DOT1L: variants seen among roughly 807,000 people sequenced by gnomAD.
The protein encoded by DOT1L is histone-lysine N-methyltransferase, H3 lysine-79 specific.
In DOT1L, 33 loss-of-function variants were observed where a neutral mutation model predicts 153.3. The ratio of observed to expected loss-of-function variants is 0.22; its 90% CI spans 0.16 to 0.29. The LOEUF (loss-of-function observed/expected upper bound fraction) is 0.29, where lower values mean the gene tolerates loss of function less well. Ranked by LOEUF, DOT1L falls within the 10% of genes least tolerant of loss-of-function variation. The probability of loss-of-function intolerance (pLI) is 1.00; values close to 1 mark genes in which losing one functional copy is unlikely to be tolerated. For synonymous variants in DOT1L, 1,135 were observed against 965.1 expected, an observed-to-expected ratio of 1.18 and a Z score of -3.26; for missense variants, 1,847 against 2,119.9, an observed-to-expected ratio of 0.87 and a Z score of 2.53.
At chr19:2,227,636 G>T in intron 27 of DOT1L, 1 of 1,215,576 alleles carries the variant, frequency 8.2e-7, no homozygotes. Context: ...CACGCCTGGC[G>T]GCGCCGTTTC....
At chr19:2,209,091 C>G in intron 12 of DOT1L, 115 bp downstream of exon 12, 1 of 1,194,990 alleles carries the variant, frequency 8.4e-7, no homozygotes, top group South Asian at 1.5e-5. Context: ...GCCCTGCCGC[C>G]CCTCGGGGCC....
chr19:2,186,684 G>A (rs1367248110), intron 3 of DOT1L, among the ~76,000 whole-genome samples: 3 of 152,184 alleles, frequency 2.0e-5, no homozygotes, highest in Non-Finnish European at 2.9e-5. Context: ...AGTAAACCTC[G>A]AGATCCTGTG....
chr19:2,179,042 C>T (rs2022099589), intron 1 of DOT1L, among the ~76,000 whole-genome samples: 1 of 152,156 alleles, frequency 6.6e-6, no homozygotes, highest in East Asian at 1.9e-4. Flanking sequence ...TCTCCCCTAT[C>T]TAGGCTGATC....
intron 3 of DOT1L, among the ~76,000 whole-genome samples, chr19:2,189,407 C>T (rs923147571): frequency 9.9e-5 from 15 of 152,222 alleles, no homozygotes; most frequent in Admixed American, 3.9e-4. Context: ...CCTCAGTCCC[C>T]CTCGAGCCCT....
At chr19:2,174,856 C>T (rs11879650) in intron 1 of DOT1L, among the ~76,000 whole-genome samples, 7 of 151,782 alleles carry the variant, frequency 4.6e-5, no homozygotes, top group Non-Finnish European at 8.8e-5. Flanking sequence ...AGGCTGATCT[C>T]AAACTCCTAG....
rs180686526 is a variant in DOT1L at position 2,222,532 on chromosome 19, G to C, written c.3363G>C (p.Ser1121=). ...TCGCTGGCCTTTTCACACAGCCTTC[G>C]GGGTCTCCCCTCAACCTCAACTCCA... ...PSVAGLFTQP[S]GSPLNLNSMV... The change falls in exon 24 of 28, where the codon TCG becomes TCC. Residue 1121 remains serine, a synonymous_variant. Coordinates refer to ENST00000398665, the MANE Select transcript of DOT1L (RefSeq NM_032482.3). The surrounding 1 kb of genome is among the most constrained non-coding windows in gnomAD (Gnocchi z 6.5). The C allele has an allele frequency of 6.4e-7, 1 of 1,559,418 alleles. No individual in the cohort carries two copies. Among genetic ancestry groups the C allele is most frequent in the African/African-American group, 1.4e-5 (1 of 74,006 alleles).
Position 2,193,857 on chromosome 19 carries a change from AC to A in DOT1L, c.588+78del. 7 of 1,476,628 alleles carry A rather than the reference AC, an allele frequency of 4.7e-6. No individual in the cohort carries two copies. The highest frequency in any genetic ancestry group is 5.6e-6 in the Non-Finnish European group (6 of 1,077,246). 91.5% of individuals were successfully genotyped at this position (1,476,628 alleles called of 1,614,324 possible). A position where few individuals can be genotyped will look rare whatever the true frequency, so the allele number is the denominator to read the frequency against. ...AGAAAGTGACGCCCTGGGTGCCTGC[AC>A]CCCACTGCTGTGGGACTTCCGAGTC... On this transcript the variant is annotated intron_variant, in intron 6 of 27. Transcript: ENST00000398665. The surrounding 1 kb of genome is among the most constrained non-coding windows in gnomAD (Gnocchi z 5.9).
At position 2,223,321 on chromosome 19, in the gene DOT1L, C is replaced by G. The variant is rs1174739572; in HGVS notation, c.3431C>G (p.Ser1144Trp). ...CAGCCCCTGGAGATTACAGCCATCT[C>G]GTCCCCGGAGACCTCCCTGAAGAGC... ...INQPLEITAI[S>W]SPETSLKSSP... The change falls in exon 25 of 28, where the codon TCG becomes TGG. Residue 1144 changes from serine to tryptophan, a missense_variant. Physicochemically the swap from Ser to Trp is radical, Grantham distance 177 (BLOSUM62 -3). Coordinates refer to ENST00000398665, the MANE Select transcript of DOT1L (RefSeq NM_032482.3). The G allele has an allele frequency of 6.2e-7, 1 of 1,613,714 alleles. No individual in the cohort carries two copies. Among genetic ancestry groups the G allele is most frequent in the Non-Finnish European group, 8.5e-7 (1 of 1,179,964 alleles).
In DOT1L at chr19:2,200,030, G is replaced by A. The variant is rs533525247; in HGVS notation, c.707+91G>A. The A allele has an allele frequency of 3.3e-6, 5 of 1,503,104 alleles. No homozygotes were observed. In the East Asian group the frequency reaches 9.4e-5, roughly 28 times the overall value. The allele number at this position is 1,503,104 out of a possible 1,614,324, so 93.1% of individuals were successfully genotyped here. Reference sequence around the variant, plus strand: ...CACCGGGGACCGGGAGCGGCCCCTCGCTCCTGTGCTGGCTGTGGCAGGAAA... The same window carrying A: ...CACCGGGGACCGGGAGCGGCCCCTCACTCCTGTGCTGGCTGTGGCAGGAAA... On this transcript the variant is annotated intron_variant, in intron 8 of 27. Transcript: ENST00000398665.
chr19:2,184,479 T>C (rs2022399158), intron 2 of DOT1L, among the ~76,000 whole-genome samples: 1 of 152,010 alleles, frequency 6.6e-6, no homozygotes, highest in Non-Finnish European at 1.5e-5. Flanking sequence ...GCAATGAAGC[T>C]ACTCTCGGAG....
Position 2,226,411 on chromosome 19 carries a change from C to A in DOT1L, c.3890C>A (p.Pro1297His). 5.0e-6 allele frequency: 8 copies of A among 1,599,016 alleles called. No homozygotes were observed. The highest frequency in any genetic ancestry group is 6.8e-6 in the Non-Finnish European group (8 of 1,176,574). Residue 1297 changes from proline (P) to histidine (H), a missense_variant, in exon 27 of 28, where the codon CCC (proline) becomes CAC (histidine). Pro to His is a moderately conservative substitution (Grantham distance 77, BLOSUM62 -2). Transcript: ENST00000398665. ...KLAAHPRKGF[P>H]GSLSGADGLS... ...GCCGCTCACCCCAGGAAAGGCTTTC[C>A]CGGCTCCCTGTCGGGGGCTGACGGA...
In DOT1L at chr19:2,175,159, C is replaced by T. The variant is rs8109644; in HGVS notation, c.82-5554C>T. ...GACTACAGGCGCCCACCACCACGCC[C>T]GGTTAATTTTTTATATTTTTAGTAG... On this transcript the variant is annotated intron_variant, in intron 1 of 27. Coordinates refer to ENST00000398665, the MANE Select transcript of DOT1L (RefSeq NM_032482.3). 4.0e-3 allele frequency among the ~76,000 whole-genome samples: 608 copies of T among 151,978 alleles called. 7 individuals are homozygous for T. The highest frequency in any genetic ancestry group is 9.4e-3 in the African/African-American group (391 of 41,460).
intron 16 of DOT1L, chr19:2,212,718 C>T (rs934741864): frequency 6.6e-6 from 1 of 152,270 alleles, no homozygotes; most frequent in Non-Finnish European, 1.5e-5. Context: ...AAGCAGGGGC[C>T]TAGTACATGC....
intron 26 of DOT1L, 87 bp downstream of exon 26, chr19:2,225,539 G>A (rs370444359): frequency 7.3e-6 from 10 of 1,366,764 alleles, no homozygotes; most frequent in African/African-American, 2.9e-5. Context: ...CTGCTGGCCC[G>A]CTGCATCGTG....
At position 2,222,042 on chromosome 19, in the gene DOT1L, C is replaced by T. The variant is rs2024137177; in HGVS notation, c.2873C>T (p.Pro958Leu). 6.2e-7 allele frequency: 1 copy of T among 1,612,978 alleles called. No homozygotes were observed. The highest frequency in any genetic ancestry group is 8.5e-7 in the Non-Finnish European group (1 of 1,179,828). Reference protein sequence around the residue: ...ALAGSPASLTPGAEPATLDES... With the variant: ...ALAGSPASLTLGAEPATLDES... ...GCGGGCAGCCCGGCCTCTCTCACAC[C>T]TGGAGCCGAGCCGGCCACCTTGGAT... is the stretch of plus-strand genomic sequence containing the variant. Residue 958 changes from proline to leucine, a missense_variant, in exon 24 of 28, where the codon CCT (proline) becomes CTT (leucine). By Grantham distance (98) the Pro-to-Leu change is moderately conservative (BLOSUM62 -3). Coordinates refer to ENST00000398665, the MANE Select transcript of DOT1L (RefSeq NM_032482.3). This position sits in a 1 kb window ranked among gnomAD's most constrained non-coding sequence, Gnocchi z 6.5.
chr19:2,217,485 G>T lies in DOT1L; in HGVS notation c.2545-287G>T, dbSNP rs2023950520. ...ATGGACTTGGCAGTGATGGATGTGG[G>T]CCCTGGGAGGCTTGGTGGCCCCACG... On this transcript the variant is annotated intron_variant, in intron 21 of 27. Transcript: ENST00000398665. The surrounding 1 kb of genome is among the most constrained non-coding windows in gnomAD (Gnocchi z 7.3). Among the ~76,000 whole-genome samples, 1 of 152,146 alleles carries T rather than the reference G, an allele frequency of 6.6e-6. No homozygotes were observed.
chr19:2,173,054 C>T lies in DOT1L; in HGVS notation c.82-7659C>T, dbSNP rs189630153. Among the ~76,000 whole-genome samples, 38 of 152,220 alleles carry T rather than the reference C, an allele frequency of 2.5e-4. 1 individual carries two copies. Among genetic ancestry groups the T allele is most frequent in the African/African-American group, 6.7e-4 (28 of 41,532 alleles). On this transcript the variant is annotated intron_variant, in intron 1 of 27. Coordinates refer to ENST00000398665, the MANE Select transcript of DOT1L (RefSeq NM_032482.3). ...GTATATTCACAGATTGTGCAGTCGT[C>T]ACCATTGTCTAATTCCAGAACGTTC...
At position 2,191,758 on chromosome 19, in the gene DOT1L, G is replaced by A. The variant is rs995241562; in HGVS notation, c.493+518G>A. Among the ~76,000 whole-genome samples, 3 of 152,086 alleles carry A rather than the reference G, an allele frequency of 2.0e-5. No individual in the cohort carries two copies. Among genetic ancestry groups the A allele is most frequent in the African/African-American group, 4.8e-5 (2 of 41,420 alleles). On this transcript the variant is annotated intron_variant, in intron 5 of 27. Transcript: ENST00000398665. The surrounding 1 kb of genome is among the most constrained non-coding windows in gnomAD (Gnocchi z 6.8). ...CCCCAGTCTCCCTCGGCACCCCTGC[G>A]TCTGGGCCGTGCCCTGCCCCTCCCA...
chr19:2,209,070 A>G (rs2071514748), intron 12 of DOT1L, 94 bp downstream of exon 12: 6 of 1,422,266 alleles, frequency 4.2e-6, no homozygotes, highest in Admixed American at 2.0e-5. Flanking sequence ...AGGAGCCACG[A>G]CTGGAGCACA....
Sources: allele counts gnomAD v4.1 joint callset (sites outside exome capture counted in the v4.1 genomes callset), GRCh38; gene constraint gnomAD v4.1.1; non-coding constraint Gnocchi (gnomAD v3.1); transcripts MANE v1.5; gene names NCBI Gene and HGNC (gene_info 2026-07-23, HGNC 2026-07-21).